The following PCDH7 variants were observed in gnomAD, a reference collection of about 807,000 sequenced individuals.
PCDH7 encodes the protein protocadherin 7.
In PCDH7, 17 loss-of-function variants were observed where a neutral mutation model predicts 58.9. That is an observed-to-expected ratio of 0.29 (90% confidence interval 0.20 to 0.43). PCDH7 has a LOEUF of 0.43. PCDH7 is among the 20% of genes least tolerant of loss of function. The pLI is 1.00. For synonymous variants in PCDH7, 664 were observed against 616.4 expected, an observed-to-expected ratio of 1.08 and a Z score of -1.14; for missense variants, 1,274 against 1,441.0, an observed-to-expected ratio of 0.88 and a Z score of 1.88.
chr4:30,786,354 T>C (rs545155443), intron 1 of PCDH7, among the ~76,000 whole-genome samples: 1 of 152,152 alleles, frequency 6.6e-6, no homozygotes, highest in South Asian at 2.1e-4. Flanking sequence ...ATTTCATTCT[T>C]ATTTGTATTT....
intron 3 of PCDH7, among the ~76,000 whole-genome samples, chr4:31,000,345 T>C (rs1752260995): frequency 1.3e-5 from 2 of 152,130 alleles, no homozygotes; most frequent in African/African-American, 4.8e-5. Context: ...TATAGGAAAG[T>C]CTGAAATATA....
intron 3 of PCDH7, among the ~76,000 whole-genome samples, chr4:31,053,013 C>T (rs1405396535): frequency 6.6e-6 from 1 of 151,428 alleles, no homozygotes. Context: ...TTTTTTTTAC[C>T]AGCGCTTTCT....
At position 30,962,246 on chromosome 4, in the gene PCDH7, G is replaced by A. The variant is rs568961563; in HGVS notation, c.*7+12031G>A. 2.2e-4 allele frequency among the ~76,000 whole-genome samples: 34 copies of A among 152,190 alleles called. 1 individual carries two copies. In the South Asian group the frequency reaches 4.8e-3, roughly 21 times the overall value. On this transcript the variant is annotated intron_variant, in intron 3 of 3. Transcript: ENST00000509759. ...AATGTTTAATAAGCAAATGACTCTC[G>A]AATTGATAGAAGTTCAGGAAATATG...
Position 30,747,797 on chromosome 4 carries a change from T to A in PCDH7, c.70+23201T>A, listed in dbSNP as rs77656339. Among the ~76,000 whole-genome samples the A allele has an allele frequency of 4.7e-3, 710 of 152,342 alleles. 6 individuals carry two copies. Among genetic ancestry groups the A allele is most frequent in the African/African-American group, 0.016 (672 of 41,588 alleles). ...AGGATGTGGACATCTTAGGGATCGA[T>A]TGTTTTGCATACTACAGGTCTGATT... On this transcript the variant is annotated intron_variant, in intron 1 of 3. Transcript: ENST00000509759.
At chr4:30,911,390 G>GT (rs149772895) in intron 1 of PCDH7, among the ~76,000 whole-genome samples, 5 of 146,388 alleles carry the variant, frequency 3.4e-5, no homozygotes, top group Admixed American at 2.8e-4. Context: ...TTCTATGGCT[G>GT]TTTTTACACT....
intron 1 of PCDH7, among the ~76,000 whole-genome samples, chr4:30,909,012 A>C (rs1741367015): frequency 6.6e-6 from 1 of 152,200 alleles, no homozygotes; most frequent in Non-Finnish European, 1.5e-5. Context: ...CCTGGGATGC[A>C]AGGCTGGTTC....
chr4:31,029,962 G>T (rs1008241958), intron 3 of PCDH7, among the ~76,000 whole-genome samples: 5 of 152,156 alleles, frequency 3.3e-5, no homozygotes, highest in Non-Finnish European at 5.9e-5. Flanking sequence ...CACTAGACTA[G>T]GCTGGGTTCT....
intron 3 of PCDH7, among the ~76,000 whole-genome samples, chr4:31,060,601 G>A (rs550081082): frequency 6.6e-6 from 1 of 151,716 alleles, no homozygotes; most frequent in African/African-American, 2.4e-5. Context: ...TATGCCTTAA[G>A]TTTTAAATAT....
chr4:30,859,413 A>G (rs990389844), intron 1 of PCDH7, among the ~76,000 whole-genome samples: 2 of 151,540 alleles, frequency 1.3e-5, no homozygotes, highest in African/African-American at 2.4e-5. Flanking sequence ...CTGTATGTGC[A>G]TCAGAGAAAG....
rs566872180 is a variant in PCDH7, at chr4:31,011,098, C to T, written c.*7+60883C>T. ...ATATGTATAAGATCCCTCAATTAACCATTGTGATCAAAATAAGTCAAGGTA... is the reference window on the plus strand; with the variant it reads ...ATATGTATAAGATCCCTCAATTAACTATTGTGATCAAAATAAGTCAAGGTA... On this transcript the variant is annotated intron_variant, in intron 3 of 3. Coordinates refer to the PCDH7 transcript ENST00000509759. 4.6e-5 allele frequency among the ~76,000 whole-genome samples: 7 copies of T among 151,940 alleles called. No homozygotes were observed. In the South Asian group the frequency reaches 1.5e-3, roughly 32 times the overall value.
intron 3 of PCDH7, among the ~76,000 whole-genome samples, chr4:31,064,993 T>C (rs1757968348): frequency 6.6e-6 from 1 of 151,996 alleles, no homozygotes; most frequent in South Asian, 2.1e-4. Flanking sequence ...AGTTCTCAAG[T>C]TTACTTGCTT....
downstream of PCDH7, among the ~76,000 whole-genome samples, chr4:30,734,172 C>G (rs778496203): frequency 1.3e-5 from 2 of 151,842 alleles, no homozygotes; most frequent in Non-Finnish European, 2.9e-5. Flanking sequence ...TTGCAAAACA[C>G]TTTCTTTGAT....
intron 1 of PCDH7, among the ~76,000 whole-genome samples, chr4:30,747,179 C>G (rs1408394998): frequency 6.6e-6 from 1 of 152,122 alleles, no homozygotes; most frequent in Non-Finnish European, 1.5e-5. Flanking sequence ...ATAGTTAATA[C>G]TGAACTGGAT....
intron 1 of PCDH7, among the ~76,000 whole-genome samples, chr4:30,848,793 T>C (rs1199527001): frequency 6.6e-6 from 1 of 152,092 alleles, no homozygotes; most frequent in African/African-American, 2.4e-5. Context: ...GGTAACAGCT[T>C]ATCAGTACTT....
At chr4:30,933,044 T>C (rs75921439) in intron 2 of PCDH7, among the ~76,000 whole-genome samples, 1 of 148,590 alleles carries the variant, frequency 6.7e-6, no homozygotes, top group Admixed American at 6.7e-5. Context: ...TTTTTTTTTT[T>C]TGAGACAGAG....
intron 1 of PCDH7, among the ~76,000 whole-genome samples, chr4:30,751,802 T>C (rs1718561048): frequency 1.3e-5 from 2 of 152,188 alleles, no homozygotes; most frequent in South Asian, 4.1e-4. Context: ...AATAGGGCTA[T>C]ACATTTTTTC....
chr4:30,972,259 G>C (rs1375446869), intron 3 of PCDH7, among the ~76,000 whole-genome samples: 1 of 152,106 alleles, frequency 6.6e-6, no homozygotes. Context: ...TGTGTGGACT[G>C]TTATGAAAAT....
intron 3 of PCDH7, among the ~76,000 whole-genome samples, chr4:31,005,871 G>A (rs915251490): frequency 6.6e-6 from 1 of 152,200 alleles, no homozygotes; most frequent in Non-Finnish European, 1.5e-5. Context: ...TTTGGATGGT[G>A]CTGATACAGA....
intron 3 of PCDH7, among the ~76,000 whole-genome samples, chr4:31,140,215 T>C (rs1284491192): frequency 6.6e-6 from 1 of 152,120 alleles, no homozygotes; most frequent in Non-Finnish European, 1.5e-5. Flanking sequence ...CTGTTTATAA[T>C]GCATCTCAAA....
Sources: allele counts gnomAD v4.1 joint callset (sites outside exome capture counted in the v4.1 genomes callset), GRCh38; gene constraint gnomAD v4.1.1; transcripts MANE v1.5; gene names NCBI Gene and HGNC (gene_info 2026-07-23, HGNC 2026-07-21).